MBNL2: variants seen among roughly 807,000 people sequenced by gnomAD.
MBNL2 encodes muscleblind like splicing regulator 2.
MBNL2 carries 17 observed loss-of-function variants against 41.9 expected under a neutral mutation model. The ratio of observed to expected loss-of-function variants is 0.41; its 90% CI spans 0.28 to 0.61. The LOEUF is 0.61. MBNL2 is among the 20% of genes least tolerant of loss of function. MBNL2 has a pLI of 0.35. For synonymous variants in MBNL2, 195 were observed against 182.9 expected, an observed-to-expected ratio of 1.07 and a Z score of -0.53; for missense variants, 336 against 505.6, an observed-to-expected ratio of 0.66 and a Z score of 3.22.
At chr13:97,388,483 G>A (rs142292328) in intron 8 of MBNL2, among the ~76,000 whole-genome samples, 1,687 of 152,092 alleles carry the variant, frequency 0.011, 17 homozygotes, top group South Asian at 0.026. Flanking sequence ...CTAGACAAGA[G>A]GTTCCTCTTT....
At chr13:97,370,353 A>G (rs1218881981) in intron 8 of MBNL2, among the ~76,000 whole-genome samples, 1 of 152,174 alleles carries the variant, frequency 6.6e-6, no homozygotes. Flanking sequence ...CTAGTTATGT[A>G]AAGTAGCCAG....
chr13:97,289,529 T>C (rs7999940), intron 2 of MBNL2, among the ~76,000 whole-genome samples: 69,485 of 152,068 alleles, frequency 0.46, 19,305 homozygotes, highest in Non-Finnish European at 0.59. Flanking sequence ...AAATTCTTAA[T>C]GAAGAATTCT....
chr13:97,374,346 A>T (rs1249199377), intron 8 of MBNL2, among the ~76,000 whole-genome samples: 3 of 143,904 alleles, frequency 2.1e-5, no homozygotes, highest in East Asian at 4.1e-4. Flanking sequence ...ACGGGGTTTC[A>T]CCGTGTTAGC....
chr13:97,183,757 G>C, the MBNL2 span, among the ~76,000 whole-genome samples: 1 of 152,172 alleles, frequency 6.6e-6, no homozygotes, highest in African/African-American at 2.4e-5. Flanking sequence ...TGGATGGTGG[G>C]ATTTACCTGT....
the MBNL2 span, among the ~76,000 whole-genome samples, chr13:97,158,560 GC>G: frequency 2.6e-5 from 4 of 151,194 alleles, no homozygotes; most frequent in Non-Finnish European, 4.4e-5. Context: ...TCTACACACT[GC>G]TTTGAATGCG....
chr13:97,238,607 T>C (rs2043722523), intron 1 of MBNL2, among the ~76,000 whole-genome samples: 1 of 152,058 alleles, frequency 6.6e-6, no homozygotes, highest in African/African-American at 2.4e-5. Context: ...TTTGGGAAAG[T>C]CCCTTTTTGG....
the MBNL2 span, among the ~76,000 whole-genome samples, chr13:97,215,198 G>T: frequency 7.9e-6 from 1 of 127,366 alleles, no homozygotes; most frequent in African/African-American, 2.5e-5. Context: ...CAGGAGGCAT[G>T]ATATGACCAT....
chr13:97,263,703 T>G (rs926919008), intron 1 of MBNL2, among the ~76,000 whole-genome samples: 1 of 151,992 alleles, frequency 6.6e-6, no homozygotes, highest in African/African-American at 2.4e-5. Context: ...CTGCAAGCTC[T>G]GCCTCCTGGG....
intron 1 of MBNL2, among the ~76,000 whole-genome samples, chr13:97,224,387 C>G (rs1024077609): frequency 1.3e-5 from 2 of 152,148 alleles, no homozygotes; most frequent in South Asian, 2.1e-4. Context: ...TCACAGGTGG[C>G]AACCTTGGTC....
intron 2 of MBNL2, among the ~76,000 whole-genome samples, chr13:97,286,794 G>C (rs1392608064): frequency 6.6e-6 from 1 of 152,166 alleles, no homozygotes; most frequent in Non-Finnish European, 1.5e-5. Context: ...CTTCATGTTA[G>C]TCTGGTCTTT....
the MBNL2 span, among the ~76,000 whole-genome samples, chr13:97,186,289 C>T: frequency 6.6e-6 from 1 of 152,158 alleles, no homozygotes; most frequent in Non-Finnish European, 1.5e-5. Context: ...TTCCCCAAAT[C>T]CTGCCCCTTC....
At chr13:97,282,696 ATCTC>A (rs936652729) in intron 2 of MBNL2, among the ~76,000 whole-genome samples, 2 of 152,278 alleles carry the variant, frequency 1.3e-5, no homozygotes, top group African/African-American at 4.8e-5. Flanking sequence ...AAGCAAGCCC[ATCTC>A]TCTTTCATTT....
At chr13:97,308,756 T>G (rs896183080) in intron 2 of MBNL2, among the ~76,000 whole-genome samples, 1 of 152,142 alleles carries the variant, frequency 6.6e-6, no homozygotes, top group Non-Finnish European at 1.5e-5. Context: ...AAGCCTTCAC[T>G]TTGGGGGAGT....
chr13:97,235,672 G>A (rs2043138553), intron 1 of MBNL2, among the ~76,000 whole-genome samples: 1 of 152,170 alleles, frequency 6.6e-6, no homozygotes, highest in Non-Finnish European at 1.5e-5. Context: ...GCTTTGTCAG[G>A]TTAACAGAAT....
the MBNL2 span, among the ~76,000 whole-genome samples, chr13:97,184,944 A>G: frequency 6.6e-6 from 1 of 152,200 alleles, no homozygotes; most frequent in Non-Finnish European, 1.5e-5. Flanking sequence ...GAATTAGAGA[A>G]AAGGACCAAA....
chr13:97,231,770 G>T (rs776518566), intron 1 of MBNL2, among the ~76,000 whole-genome samples: 1 of 152,056 alleles, frequency 6.6e-6, no homozygotes, highest in African/African-American at 2.4e-5. Flanking sequence ...TCCAGGGAAG[G>T]CTGTTGTGTT....
chr13:97,280,149 G>A (rs140932672), intron 2 of MBNL2, among the ~76,000 whole-genome samples: 146 of 152,236 alleles, frequency 9.6e-4, no homozygotes, highest in Admixed American at 1.9e-3. Context: ...CACATTAACC[G>A]TGTCTCTGAT....
At chr13:97,229,625 G>A (rs1369588227) in intron 1 of MBNL2, among the ~76,000 whole-genome samples, 1 of 152,122 alleles carries the variant, frequency 6.6e-6, no homozygotes, top group Non-Finnish European at 1.5e-5. Flanking sequence ...CAGGAAGGAG[G>A]AATAGCATGA....
chr13:97,333,028 G>T (rs962996627), intron 2 of MBNL2, among the ~76,000 whole-genome samples: 1 of 152,208 alleles, frequency 6.6e-6, no homozygotes, highest in Non-Finnish European at 1.5e-5. Flanking sequence ...GCTGCCAAAA[G>T]TGCGGATGAA....
Sources: allele counts gnomAD v4.1 joint callset (sites outside exome capture counted in the v4.1 genomes callset), GRCh38; gene constraint gnomAD v4.1.1; transcripts MANE v1.5; gene names NCBI Gene and HGNC (gene_info 2026-07-23, HGNC 2026-07-21).